KY: variants seen among roughly 807,000 people sequenced by gnomAD.
KY encodes the protein kyphoscoliosis peptidase.
A neutral mutation model predicts 76.1 loss-of-function variants in KY; 43 were observed. The ratio of observed to expected loss-of-function variants is 0.57; its 90% CI spans 0.44 to 0.73. KY has a LOEUF of 0.73. Among genes scored for constraint, KY ranks in the 30% least tolerant of loss-of-function variants. The probability of loss-of-function intolerance (pLI) is 0.00; values close to 1 mark genes in which losing one functional copy is unlikely to be tolerated. For missense variants in KY, 722 were observed against 828.9 expected (o/e 0.87, Z 1.58); for synonymous variants, 277 against 326.2 (o/e 0.85, Z 1.63).
intron 8 of KY, among the ~76,000 whole-genome samples, chr3:134,617,698 G>A (rs1354246976): frequency 6.6e-6 from 1 of 152,226 alleles, no homozygotes; most frequent in Non-Finnish European, 1.5e-5. Flanking sequence ...GGCAACACAT[G>A]AGTTTGGTGT....
chr3:134,613,885 A>G (rs936292523), intron 8 of KY, among the ~76,000 whole-genome samples: 2 of 152,234 alleles, frequency 1.3e-5, no homozygotes, highest in African/African-American at 2.4e-5. Context: ...GCCAGGATGA[A>G]CCACAACTCT....
intron 8 of KY, among the ~76,000 whole-genome samples, chr3:134,612,747 G>A (rs1273248458): frequency 2.1e-5 from 3 of 142,286 alleles, no homozygotes; most frequent in African/African-American, 8.0e-5. Flanking sequence ...ATGTCACGCC[G>A]ATGCTGTGTG....
intron 2 of KY, among the ~76,000 whole-genome samples, chr3:134,644,171 C>A (rs1281309772): frequency 1.3e-5 from 2 of 152,184 alleles, no homozygotes; most frequent in East Asian, 1.9e-4. Context: ...AGCCTGCCTC[C>A]TACCCCAGCC....
chr3:134,629,089 C>T (rs1963880226), intron 4 of KY, among the ~76,000 whole-genome samples: 2 of 152,120 alleles, frequency 1.3e-5, no homozygotes, highest in African/African-American at 2.4e-5. Context: ...TCGTCCTGGG[C>T]CTGGGCCTAT....
intron 10 of KY, chr3:134,608,297 A>G: frequency 8.2e-7 from 1 of 1,223,760 alleles, no homozygotes; most frequent in Non-Finnish European, 1.0e-6. Flanking sequence ...AGAGAGACTC[A>G]CCCAGCTAGG....
In KY at chr3:134,602,348, T is replaced by C. The variant is rs1310432552; in HGVS notation, c.*1231A>G. Among the ~76,000 whole-genome samples the C allele has an allele frequency of 1.3e-5, 2 of 152,066 alleles. No homozygotes were observed. The highest frequency in any genetic ancestry group is 4.8e-5 in the African/African-American group (2 of 41,408). The stretch of plus-strand genomic sequence containing the variant: ...GGGCCAGCTGGGCAGCTGAGGCCTC[T>C]CAGTCTGTGCCTGAGCAAGCAAGGA... On this transcript the variant is annotated 3_prime_UTR_variant, in exon 11 of 11. Coordinates refer to ENST00000423778, the MANE Select transcript of KY (RefSeq NM_178554.6).
intron 8 of KY, chr3:134,615,226 C>A (rs765881554): frequency 6.6e-6 from 1 of 152,526 alleles, no homozygotes; most frequent in African/African-American, 2.4e-5. Context: ...CAGAGGCCTC[C>A]TCTCTGAAGG....
Position 134,601,758 on chromosome 3 carries a change from G to T in KY, c.*1821C>A, listed in dbSNP as rs780210535. Among the ~76,000 whole-genome samples the T allele has an allele frequency of 1.3e-5, 2 of 152,236 alleles. No individual in the cohort carries two copies. The highest frequency in any genetic ancestry group is 1.3e-4 in the Admixed American group (2 of 15,288). ...AGGCCGCCGGCCTGTTGGATGATGG[G>T]CACCCTTGTGAGCTGGTTCTGGGCT... On this transcript the variant is annotated 3_prime_UTR_variant, in exon 11 of 11. Transcript: ENST00000423778.
intron 5 of KY, among the ~76,000 whole-genome samples, chr3:134,626,565 C>T (rs1963477895): frequency 6.6e-6 from 1 of 152,186 alleles, no homozygotes; most frequent in African/African-American, 2.4e-5. Context: ...GGTGCATTTG[C>T]CCACACGTCG....
intron 6 of KY, 105 bp downstream of exon 6, chr3:134,624,948 A>G: frequency 1.0e-6 from 1 of 998,898 alleles, no homozygotes; most frequent in Non-Finnish European, 1.5e-6. Flanking sequence ...CATCCAACCA[A>G]GCCACTCAGG....
chr3:134,603,929 C>T lies in KY; in HGVS notation c.1636G>A (p.Gly546Arg), dbSNP rs754376109. 3 of 1,613,896 alleles carry T rather than the reference C, an allele frequency of 1.9e-6. No individual in the cohort carries two copies. The highest frequency in any genetic ancestry group is 1.7e-5 in the Admixed American group (1 of 59,998). Residue 546 changes from glycine (G) to arginine (R), a missense_variant, in exon 11 of 11, where the codon GGA (glycine) becomes AGA (arginine). Gly to Arg is a moderately radical substitution (Grantham distance 125, BLOSUM62 -2). Around this residue, in one of 2 missense-constraint regions of KY, gnomAD observed 552 missense variants for 680.9 expected, o/e 0.81. Transcript: ENST00000423778. ...TAATTAAAGACGAAGATGTAGTTTC[C>T]TGGTTCCTGCCTCTTCTTGACAAAG... Reference protein sequence around the residue: ...KIFVKKRQEPGNYIFVFNYLV... With the variant: ...KIFVKKRQEPRNYIFVFNYLV...
intron 7 of KY, among the ~76,000 whole-genome samples, 176 bp from the exon 8 acceptor site, chr3:134,619,441 G>T (rs1038562196): frequency 6.6e-6 from 1 of 152,230 alleles, no homozygotes; most frequent in African/African-American, 2.4e-5. Flanking sequence ...TGTGCAAGTG[G>T]TGAGAGGAAG....
At chr3:134,618,944 T>C (rs1962077958) in intron 8 of KY, among the ~76,000 whole-genome samples, 1 of 152,212 alleles carries the variant, frequency 6.6e-6, no homozygotes, top group Non-Finnish European at 1.5e-5. Context: ...TGTTAATGCA[T>C]CGCGAAGCCC....
chr3:134,610,160 G>T (rs889519514), intron 9 of KY, 35 bp downstream of exon 9: 5 of 1,587,600 alleles, frequency 3.1e-6, no homozygotes, highest in Non-Finnish European at 4.3e-6. Flanking sequence ...ACTTCCACCT[G>T]CCAGACGCCC....
At chr3:134,635,680 C>T (rs540481841) in intron 3 of KY, among the ~76,000 whole-genome samples, 1 of 152,010 alleles carries the variant, frequency 6.6e-6, no homozygotes, top group South Asian at 2.1e-4. Flanking sequence ...CAAATCTATG[C>T]ATGTGTTAGC....
chr3:134,628,688 G>C (rs1052125572), intron 4 of KY, among the ~76,000 whole-genome samples: 2 of 152,132 alleles, frequency 1.3e-5, no homozygotes, highest in African/African-American at 4.8e-5. Context: ...TGCCTGGCTT[G>C]GGCTTTATAT....
chr3:134,648,316 G>A (rs1325205740), intron 1 of KY, among the ~76,000 whole-genome samples: 12 of 152,230 alleles, frequency 7.9e-5, no homozygotes, highest in Admixed American at 3.9e-4. Flanking sequence ...CTCAGGGGCC[G>A]CCACTCTCTT....
chr3:134,638,606 G>T (rs1229121885), intron 3 of KY, among the ~76,000 whole-genome samples: 1 of 152,198 alleles, frequency 6.6e-6, no homozygotes, highest in Non-Finnish European at 1.5e-5. Context: ...TTGAGAACGG[G>T]CTCCCTGGCC....
Position 134,602,321 on chromosome 3 carries a change from G to A in KY, c.*1258C>T, listed in dbSNP as rs1959006074. The stretch of plus-strand genomic sequence containing the variant: ...GGCAACGGCAGCCTGAGGCGCTGCT[G>A]AGGGCCAGCTGGGCAGCTGAGGCCT... On this transcript the variant is annotated 3_prime_UTR_variant, in exon 11 of 11. Transcript: ENST00000423778. Among the ~76,000 whole-genome samples, 1 of 152,136 alleles carries A rather than the reference G, an allele frequency of 6.6e-6. No homozygotes were observed. Among genetic ancestry groups the A allele is most frequent in the Non-Finnish European group, 1.5e-5 (1 of 68,024 alleles).
Sources: gnomAD v4.1 joint callset for allele counts (sites outside exome capture counted in the v4.1 genomes callset) on GRCh38, gnomAD v4.1.1 for gene constraint, gnomAD v4.1.1 regional missense constraint, MANE v1.5 for transcripts, NCBI Gene and HGNC (gene_info 2026-07-23, HGNC 2026-07-21) for gene names.